FRMPD4: variants seen among roughly 807,000 people sequenced by gnomAD.
FRMPD4 encodes FERM and PDZ domain-containing protein 4.
A neutral mutation model predicts 94.1 loss-of-function variants in FRMPD4; 22 were observed. The observed-to-expected ratio is 0.23, with a 90% CI of 0.17 to 0.33. The LOEUF is 0.33. FRMPD4 is among the 10% of genes least tolerant of loss of function. The probability of loss-of-function intolerance (pLI) is 1.00; values close to 1 mark genes in which losing one functional copy is unlikely to be tolerated. For synonymous variants in FRMPD4, 631 were observed against 548.6 expected (o/e 1.15, Z -2.10); for missense variants, 1,111 against 1,339.9 (o/e 0.83, Z 2.67).
intron 4 of FRMPD4, among the ~76,000 whole-genome samples, chrX:12,634,386 G>A (rs565804063): frequency 2.7e-5 from 3 of 112,132 alleles, no homozygotes; most frequent in African/African-American, 6.5e-5. Context: ...CTCCCCCAGG[G>A]TGTTTTCATT....
At chrX:11,920,685 C>T (rs1291119814) in intron 3 of FRMPD4, among the ~76,000 whole-genome samples, 1 of 111,989 alleles carries the variant, frequency 8.9e-6, no homozygotes, top group Admixed American at 9.4e-5. Context: ...TTTTATTTGA[C>T]AAATAAATTA....
chrX:12,439,320 G>A (rs56061686), intron 1 of FRMPD4, among the ~76,000 whole-genome samples: 1,408 of 111,447 alleles, frequency 0.013, 12 homozygotes, highest in Middle Eastern at 0.023. Context: ...CTGTGACCTA[G>A]GGGTCTCTTG....
chrX:11,841,008 T>C (rs1347311358), intron 1 of FRMPD4, among the ~76,000 whole-genome samples: 5 of 107,436 alleles, frequency 4.7e-5, no homozygotes, highest in Non-Finnish European at 9.6e-5. Context: ...GGTTTTTTGT[T>C]CTTGCGATAG....
intron 5 of FRMPD4, among the ~76,000 whole-genome samples, chrX:12,679,415 A>G (rs2059941463): frequency 8.9e-6 from 1 of 112,089 alleles, no homozygotes; most frequent in South Asian, 3.8e-4. Flanking sequence ...GGGACCAGAC[A>G]GAGAGGTTAG....
chrX:12,229,768 C>T (rs1049369985), intron 1 of FRMPD4, among the ~76,000 whole-genome samples: 1 of 111,781 alleles, frequency 8.9e-6, no homozygotes, highest in African/African-American at 3.3e-5. Flanking sequence ...GTCTCTCCTT[C>T]ACTTCTTCAC....
At chrX:11,955,077 A>G (rs1391204949) in intron 3 of FRMPD4, among the ~76,000 whole-genome samples, 1 of 111,365 alleles carries the variant, frequency 9.0e-6, no homozygotes, top group Non-Finnish European at 1.9e-5. Context: ...CACTTCTTAT[A>G]GACGGTGCAT....
At chrX:12,508,591 T>G (rs1264509777) in intron 2 of FRMPD4, among the ~76,000 whole-genome samples, 1 of 112,241 alleles carries the variant, frequency 8.9e-6, no homozygotes, top group Non-Finnish European at 1.9e-5. Context: ...GATGGATGAA[T>G]AAGCCTGTTT....
At chrX:12,441,090 C>A (rs1009793228) in intron 1 of FRMPD4, among the ~76,000 whole-genome samples, 3 of 112,114 alleles carry the variant, frequency 2.7e-5, no homozygotes, top group African/African-American at 9.7e-5. Flanking sequence ...AAGACTGCAG[C>A]CCCTACAGAA....
At chrX:11,881,944 G>A (rs2053815958) in intron 3 of FRMPD4, among the ~76,000 whole-genome samples, 1 of 111,639 alleles carries the variant, frequency 9.0e-6, no homozygotes. Context: ...GACATGCCAG[G>A]CTGGTATGCA....
intron 1 of FRMPD4, among the ~76,000 whole-genome samples, chrX:11,826,897 C>T (rs2053445997): frequency 9.2e-6 from 1 of 108,549 alleles, no homozygotes; most frequent in African/African-American, 3.3e-5. Context: ...ATGCAAGCAC[C>T]GTGAGAGAGG....
chrX:12,079,772 C>T (rs2055047908), intron 3 of FRMPD4, among the ~76,000 whole-genome samples: 2 of 112,238 alleles, frequency 1.8e-5, no homozygotes, highest in Admixed American at 1.9e-4. Context: ...CAGTCTTAGA[C>T]CTACCTATTT....
At chrX:11,829,102 G>A in intron 1 of FRMPD4, among the ~76,000 whole-genome samples, 1 of 112,009 alleles carries the variant, frequency 8.9e-6, no homozygotes, top group Non-Finnish European at 1.9e-5. Flanking sequence ...GATAGGCTGA[G>A]GCTCACCCAC....
At chrX:12,080,209 G>T (rs182134304) in intron 3 of FRMPD4, among the ~76,000 whole-genome samples, 1 of 112,399 alleles carries the variant, frequency 8.9e-6, no homozygotes, top group African/African-American at 3.2e-5. Context: ...CCCAGGGATA[G>T]ATTCACTATT....
intron 1 of FRMPD4, among the ~76,000 whole-genome samples, chrX:11,853,456 A>T (rs759326472): frequency 4.1e-4 from 46 of 111,050 alleles, no homozygotes; most frequent in Admixed American, 1.3e-3. Flanking sequence ...CCATTTTTTT[A>T]AAAAAAATTA....
intron 2 of FRMPD4, among the ~76,000 whole-genome samples, chrX:11,870,809 T>C (rs1052804586): frequency 1.2e-4 from 13 of 112,567 alleles, no homozygotes; most frequent in African/African-American, 4.2e-4. Context: ...AGAAACTCTC[T>C]GAGCCATAAT....
intron 1 of FRMPD4, among the ~76,000 whole-genome samples, chrX:12,493,149 CA>C (rs2057809089): frequency 9.0e-6 from 1 of 111,328 alleles, no homozygotes; most frequent in Non-Finnish European, 1.9e-5. Flanking sequence ...ATTTTCCTCA[CA>C]CCTCTCCACT....
intron 3 of FRMPD4, among the ~76,000 whole-genome samples, chrX:11,912,853 G>C (rs995332404): frequency 9.0e-6 from 1 of 111,024 alleles, no homozygotes; most frequent in African/African-American, 3.3e-5. Context: ...GAAGGGGCCG[G>C]GAATTTATAG....
intron 1 of FRMPD4, among the ~76,000 whole-genome samples, chrX:12,332,120 A>AAAT (rs2055431307): frequency 2.7e-5 from 2 of 73,655 alleles, no homozygotes; most frequent in East Asian, 7.8e-4. Flanking sequence ...TATATAATTT[A>AAAT]TATTTTATAT....
chrX:12,584,429 T>G (rs771307633), intron 2 of FRMPD4, among the ~76,000 whole-genome samples: 12 of 111,906 alleles, frequency 1.1e-4, no homozygotes, highest in African/African-American at 3.6e-4. Context: ...TGGGTTCTAT[T>G]GCAACCACCA....
Sources: allele counts gnomAD v4.1 joint callset (sites outside exome capture counted in the v4.1 genomes callset), GRCh38; gene constraint gnomAD v4.1.1; transcripts MANE v1.5; gene names NCBI Gene and HGNC (gene_info 2026-07-23, HGNC 2026-07-21).